ZBTB37: variants seen among roughly 807,000 people sequenced by gnomAD.
ZBTB37 encodes zinc finger and BTB domain-containing protein 37.
Under a neutral mutation model 37.7 loss-of-function variants are expected in ZBTB37, and 15 were observed. That is an observed-to-expected ratio of 0.40 (90% confidence interval 0.27 to 0.61). ZBTB37 has a LOEUF of 0.61. Ranked by LOEUF, ZBTB37 falls within the 20% of genes least tolerant of loss-of-function variation. ZBTB37 has a pLI of 0.44. For synonymous variants in ZBTB37, 231 were observed against 220.6 expected, an observed-to-expected ratio of 1.05 and a Z score of -0.42; for missense variants, 514 against 641.9, an observed-to-expected ratio of 0.80 and a Z score of 2.15.
chr1:173,899,368 G>A (rs1485954472), exon 4 of ZBTB37: 1 of 152,122 alleles, frequency 6.6e-6, no homozygotes, highest in Non-Finnish European at 1.5e-5. Context: ...ACATACTTAA[G>A]GTGCAGCCTT....
chr1:173,873,136 G>A (rs190395864), intron 3 of ZBTB37, among the ~76,000 whole-genome samples: 5 of 152,014 alleles, frequency 3.3e-5, no homozygotes, highest in Non-Finnish European at 5.9e-5. Flanking sequence ...TGGTAATTAC[G>A]TAGAAGAAAC....
chr1:173,892,891 G>A (rs1279820425), exon 4 of ZBTB37: 1 of 152,082 alleles, frequency 6.6e-6, no homozygotes, highest in Non-Finnish European at 1.5e-5. Context: ...TACACCATCC[G>A]GTTAAGAAAG....
chr1:173,873,193 A>G (rs931683325), intron 3 of ZBTB37, among the ~76,000 whole-genome samples: 2 of 152,178 alleles, frequency 1.3e-5, no homozygotes, highest in African/African-American at 4.8e-5. Flanking sequence ...GTCTCCCAGT[A>G]TTTATATAAG....
chr1:173,898,789 C>T (rs1019463182), exon 4 of ZBTB37: 8 of 152,294 alleles, frequency 5.3e-5, no homozygotes, highest in Admixed American at 3.9e-4. Flanking sequence ...GCCAAGTCAA[C>T]TTGTCCACTT....
At chr1:173,900,652 A>G (rs2102768660) in exon 4 of ZBTB37, 1 of 152,318 alleles carries the variant, frequency 6.6e-6, no homozygotes, top group East Asian at 1.9e-4. Context: ...GTGCAAGGAG[A>G]AAAAGTAGGT....
chr1:173,886,818 A>C (rs148430454), downstream of ZBTB37: 1 of 152,478 alleles, frequency 6.6e-6, no homozygotes, highest in East Asian at 1.9e-4. Context: ...AAGTGTATGC[A>C]ATAGGTACTG....
At chr1:173,894,091 G>A (rs35495762) in exon 4 of ZBTB37, 2 of 152,236 alleles carry the variant, frequency 1.3e-5, no homozygotes, top group Admixed American at 1.3e-4. Flanking sequence ...AGCTGATGCA[G>A]TTGATCTCTG....
exon 4 of ZBTB37, chr1:173,895,863 G>A (rs1053174146): frequency 6.6e-6 from 1 of 152,110 alleles, no homozygotes; most frequent in Non-Finnish European, 1.5e-5. Context: ...AAGAAATATG[G>A]ACAGAGAATG....
At chr1:173,895,987 A>G (rs1237799738) in exon 4 of ZBTB37, 3 of 152,148 alleles carry the variant, frequency 2.0e-5, no homozygotes, top group Admixed American at 6.5e-5. Flanking sequence ...TGGCCTTCCT[A>G]CTGATAATCT....
intron 4 of ZBTB37, among the ~76,000 whole-genome samples, chr1:173,883,496 T>C (rs868861583): frequency 2.6e-5 from 4 of 152,126 alleles, no homozygotes; most frequent in Non-Finnish European, 5.9e-5. Context: ...TGTACTGTTA[T>C]CATGTTCAAT....
chr1:173,887,190 T>A (rs1656658046), downstream of ZBTB37: 1 of 152,234 alleles, frequency 6.6e-6, no homozygotes, highest in African/African-American at 2.4e-5. Flanking sequence ...GTATTGTGGT[T>A]GAAGAAATTC....
At chr1:173,883,735 T>C (rs1448511370) in intron 4 of ZBTB37, among the ~76,000 whole-genome samples, 1 of 152,248 alleles carries the variant, frequency 6.6e-6, no homozygotes, top group Non-Finnish European at 1.5e-5. Context: ...TCAGTCTTAG[T>C]ATTCAACCCT....
intron 4 of ZBTB37, among the ~76,000 whole-genome samples, chr1:173,875,159 T>C (rs9661465): frequency 0.18 from 24,551 of 135,590 alleles, 2,598 homozygotes; most frequent in East Asian, 0.33. Flanking sequence ...TGTGTGTGTG[T>C]GCACGTGTGT....
chr1:173,889,705 A>G (rs925593894), downstream of ZBTB37: 5 of 152,198 alleles, frequency 3.3e-5, no homozygotes, highest in Non-Finnish European at 7.3e-5. Context: ...AACCGTATTT[A>G]CCTCTGAACC....
chr1:173,874,552 C>T (rs943642182), intron 4 of ZBTB37, among the ~76,000 whole-genome samples: 15 of 152,024 alleles, frequency 9.9e-5, no homozygotes, highest in Non-Finnish European at 1.6e-4. Context: ...GGGGTTTCAC[C>T]GTGTTAGCCA....
intron 3 of ZBTB37, among the ~76,000 whole-genome samples, chr1:173,871,441 T>G (rs1655553468): frequency 6.6e-6 from 1 of 152,226 alleles, no homozygotes; most frequent in Non-Finnish European, 1.5e-5. Flanking sequence ...TTGCCAGGGC[T>G]TCCTCGGGAT....
chr1:173,879,938 G>A (rs547381439), intron 4 of ZBTB37, among the ~76,000 whole-genome samples: 8 of 152,274 alleles, frequency 5.3e-5, no homozygotes, highest in Admixed American at 4.6e-4. Flanking sequence ...GCGACAAAGC[G>A]AGACTGTCTC....
rs751605943 is a variant in ZBTB37 at position 173,870,760 on chromosome 1, A to T, written c.535A>T (p.Ser179Cys). Residue 179 changes from serine to cysteine, a missense_variant, in exon 3 of 5, where the codon AGT (serine) becomes TGT (cysteine). Coordinates refer to ENST00000427304, the Ensembl canonical transcript of ZBTB37. ...AAAGGGAAACCGGCGAGGTCAGGTT[A>T]GTGCTGTGCTGGATATCAGAGAGCT... 1.1e-5 allele frequency: 17 copies of T among 1,614,220 alleles called. No homozygotes were observed. The East Asian group carries it at 3.8e-4, about 36-fold the overall frequency.
chr1:173,869,159 A>G (rs1205658615), intron 2 of ZBTB37, 39 bp downstream of exon 2: 1 of 152,500 alleles, frequency 6.6e-6, no homozygotes, highest in East Asian at 1.9e-4. Context: ...AACAGTGTAT[A>G]CACTTCCCTA....
Sources: gnomAD v4.1 joint callset for allele counts (sites outside exome capture counted in the v4.1 genomes callset) on GRCh38, gnomAD v4.1.1 for gene constraint, MANE v1.5 for transcripts, NCBI Gene and HGNC (gene_info 2026-07-23, HGNC 2026-07-21) for gene names.